Variants in C1orf54 observed in about 807,000 individuals in gnomAD.
C1orf54 encodes chromosome 1 open reading frame 54.
A neutral mutation model predicts 14.7 loss-of-function variants in C1orf54; 12 were observed. The ratio of observed to expected loss-of-function variants is 0.82; its 90% CI spans 0.52 to 1.32. The LOEUF (loss-of-function observed/expected upper bound fraction) is 1.32, where lower values mean the gene tolerates loss of function less well. C1orf54 is among the 40% of genes most tolerant of loss of function. The probability of loss-of-function intolerance (pLI) is 0.00; values close to 1 mark genes in which losing one functional copy is unlikely to be tolerated. For synonymous variants in C1orf54, 65 were observed against 56.3 expected, an observed-to-expected ratio of 1.16 and a Z score of -0.70; for missense variants, 163 against 162.2, an observed-to-expected ratio of 1.00 and a Z score of -0.03.
chr1:150,271,302 A>G (rs1652192671), upstream of C1orf54, among the ~76,000 whole-genome samples: 1 of 152,036 alleles, frequency 6.6e-6, no homozygotes, highest in Non-Finnish European at 1.5e-5. Flanking sequence ...TAGTAGAGAC[A>G]AGGTTTCACC....
At chr1:150,278,503 A>T (rs1553852920) in intron 4 of C1orf54, among the ~76,000 whole-genome samples, 2 of 152,188 alleles carry the variant, frequency 1.3e-5, no homozygotes, top group Admixed American at 1.3e-4. Flanking sequence ...CACAGATATG[A>T]AAGTAAATGA....
At chr1:150,273,468 C>A (rs1463266967) in intron 1 of C1orf54, among the ~76,000 whole-genome samples, 1 of 152,142 alleles carries the variant, frequency 6.6e-6, no homozygotes, top group African/African-American at 2.4e-5. Flanking sequence ...AAGTGTTTAG[C>A]AGGAGGCCTG....
chr1:150,277,537 A>T (rs1181780044), intron 4 of C1orf54, among the ~76,000 whole-genome samples: 1 of 149,758 alleles, frequency 6.7e-6, no homozygotes, highest in African/African-American at 2.5e-5. Flanking sequence ...AGAGTGAAAG[A>T]GCTGCACAGG....
upstream of C1orf54, among the ~76,000 whole-genome samples, chr1:150,271,386 C>T (rs587747396): frequency 4.7e-4 from 71 of 152,316 alleles, no homozygotes; most frequent in African/African-American, 1.7e-3. Flanking sequence ...GGATTACAGG[C>T]GTGAGCCACT....
At chr1:150,269,145 G>A, upstream of C1orf54, 1 of 270,322 alleles carries the variant, frequency 3.7e-6, no homozygotes, top group Admixed American at 4.6e-5. Flanking sequence ...CCGAGGCCTT[G>A]ACTTCGTCCT....
chr1:150,277,895 C>T (rs1553852827), intron 4 of C1orf54, among the ~76,000 whole-genome samples: 1 of 152,120 alleles, frequency 6.6e-6, no homozygotes, highest in East Asian at 1.9e-4. Flanking sequence ...GTCGGGAGTT[C>T]GAGACCAGCC....
At position 150,273,871 on chromosome 1, in the gene C1orf54, G is replaced by A. The variant is rs932944340; in HGVS notation, c.47-216G>A. Among the ~76,000 whole-genome samples, 11 of 152,230 alleles carry A rather than the reference G, an allele frequency of 7.2e-5. No individual in the cohort carries two copies. In the East Asian group the frequency reaches 7.7e-4, roughly 11 times the overall value. On this transcript the variant is annotated intron_variant, in intron 1 of 5. Coordinates refer to ENST00000369099, the MANE Select transcript of C1orf54 (RefSeq NM_024579.4). ...AGGAGTTCCTGGATTGAAAGGGCACGGAGTAACAGGCCTCATTACAGATAT... is the reference window on the plus strand; with the variant it reads ...AGGAGTTCCTGGATTGAAAGGGCACAGAGTAACAGGCCTCATTACAGATAT...
At chr1:150,277,427 C>T (rs928404588) in intron 4 of C1orf54, among the ~76,000 whole-genome samples, 4 of 132,086 alleles carry the variant, frequency 3.0e-5, no homozygotes, top group South Asian at 2.7e-4. Context: ...CACTTGAACC[C>T]GGGAGGCAGA....
upstream of C1orf54, chr1:150,268,742 G>T: frequency 4.3e-6 from 7 of 1,613,828 alleles, no homozygotes; most frequent in South Asian, 1.1e-5. Context: ...CAGCCACAGT[G>T]ATCAAGAAAA....
chr1:150,276,488 T>TGTTTGGGA, intron 3 of C1orf54, 34 bp from the exon 4 acceptor site: 1 of 1,537,570 alleles, frequency 6.5e-7, no homozygotes, highest in Non-Finnish European at 9.0e-7. Flanking sequence ...GAAAAACTGA[T>TGTTTGGGA]AACTCTGTGT....
chr1:150,279,415 A>G (rs1159804078), intron 4 of C1orf54, among the ~76,000 whole-genome samples: 5 of 152,202 alleles, frequency 3.3e-5, no homozygotes, highest in Admixed American at 6.5e-5. Flanking sequence ...TAATAGATAA[A>G]AAATAGAAAC....
At chr1:150,273,704 GTC>G (rs1652393054) in intron 1 of C1orf54, among the ~76,000 whole-genome samples, 1 of 152,190 alleles carries the variant, frequency 6.6e-6, no homozygotes, top group Admixed American at 6.6e-5. Context: ...AAGAAAAGAT[GTC>G]TCACAAATAC....
chr1:150,276,171 C>T (rs1030992495), intron 3 of C1orf54, among the ~76,000 whole-genome samples: 1 of 151,692 alleles, frequency 6.6e-6, no homozygotes, highest in African/African-American at 2.4e-5. Flanking sequence ...AGAAAAGAAA[C>T]TGGGCAATGT....
chr1:150,271,082 G>A (rs1308643522), upstream of C1orf54, among the ~76,000 whole-genome samples: 2 of 151,666 alleles, frequency 1.3e-5, no homozygotes, highest in Non-Finnish European at 1.5e-5. Flanking sequence ...AGCCCAGCAG[G>A]CAGAGTAAGG....
intron 2 of C1orf54, 137 bp from the exon 3 acceptor site, chr1:150,275,600 CATTA>C: frequency 3.3e-6 from 2 of 611,416 alleles, no homozygotes; most frequent in Non-Finnish European, 5.6e-6. Flanking sequence ...TCATTTTTAA[CATTA>C]GTTAAATAAA....
At chr1:150,280,688 G>T in intron 5 of C1orf54, 147 bp from the exon 6 acceptor site, 1 of 616,600 alleles carries the variant, frequency 1.6e-6, no homozygotes, top group Non-Finnish European at 2.9e-6. Context: ...GTGGAGGAGA[G>T]GGGTACACAC....
chr1:150,273,997 A>G, intron 1 of C1orf54, 90 bp from the exon 2 acceptor site: 1 of 813,538 alleles, frequency 1.2e-6, no homozygotes, highest in Non-Finnish European at 2.1e-6. Context: ...AAAGAGCAAG[A>G]AAGCTGGGAG....
intron 3 of C1orf54, among the ~76,000 whole-genome samples, 172 bp downstream of exon 3, chr1:150,275,971 T>C (rs587702738): frequency 2.0e-4 from 30 of 152,208 alleles, no homozygotes; most frequent in Non-Finnish European, 3.2e-4. Context: ...ACCCCGTCTC[T>C]ACTAAAAATA....
At chr1:150,271,937 G>A (rs1241954059), upstream of C1orf54, among the ~76,000 whole-genome samples, 5 of 152,226 alleles carry the variant, frequency 3.3e-5, no homozygotes, top group East Asian at 5.8e-4. Flanking sequence ...TCAGGAGTTC[G>A]AGACCAGCCT....
Sources: gnomAD v4.1 joint callset for allele counts (sites outside exome capture counted in the v4.1 genomes callset) on GRCh38, gnomAD v4.1.1 for gene constraint, MANE v1.5 for transcripts, NCBI Gene and HGNC (gene_info 2026-07-23, HGNC 2026-07-21) for gene names.